Variants in PTPRG observed in about 807,000 individuals in gnomAD.
The protein encoded by PTPRG is protein tyrosine phosphatase receptor type G.
A neutral mutation model predicts 165.3 loss-of-function variants in PTPRG; 102 were observed. The ratio of observed to expected loss-of-function variants is 0.62; its 90% CI spans 0.53 to 0.73. The LOEUF is 0.73. Ranked by LOEUF, PTPRG falls within the 30% of genes least tolerant of loss-of-function variation. PTPRG has a pLI of 0.00. For synonymous variants in PTPRG, 675 were observed against 669.5 expected, an observed-to-expected ratio of 1.01 and a Z score of -0.13; for missense variants, 1,866 against 1,861.4, an observed-to-expected ratio of 1.00 and a Z score of -0.05.
intron 4 of PTPRG, among the ~76,000 whole-genome samples, chr3:62,032,555 G>T (rs1436505105): frequency 2.0e-5 from 3 of 151,794 alleles, no homozygotes; most frequent in Non-Finnish European, 2.9e-5. Flanking sequence ...TTTTAGAAAA[G>T]TATTGAAGGA....
At chr3:61,594,280 A>G (rs969892614) in intron 1 of PTPRG, among the ~76,000 whole-genome samples, 2 of 152,018 alleles carry the variant, frequency 1.3e-5, no homozygotes, top group Non-Finnish European at 2.9e-5. Flanking sequence ...CGGGTGGATT[A>G]CAATGCAGAG....
chr3:62,059,048 C>G (rs1422031485), intron 4 of PTPRG, among the ~76,000 whole-genome samples: 1 of 152,214 alleles, frequency 6.6e-6, no homozygotes, highest in Non-Finnish European at 1.5e-5. Context: ...CCGGTCTGCT[C>G]TGAAGGGGCA....
chr3:62,115,133 C>G (rs551288013), intron 5 of PTPRG, among the ~76,000 whole-genome samples: 2 of 152,302 alleles, frequency 1.3e-5, no homozygotes, highest in South Asian at 4.1e-4. Flanking sequence ...ACATGTTTCT[C>G]ATCTCTTATC....
chr3:61,768,765 G>A (rs774731072), intron 2 of PTPRG, among the ~76,000 whole-genome samples: 25 of 152,024 alleles, frequency 1.6e-4, no homozygotes, highest in Admixed American at 6.6e-4. Flanking sequence ...AAATAGTTGT[G>A]TGGGGGAGGG....
chr3:61,986,618 T>G (rs2107687790), intron 2 of PTPRG, among the ~76,000 whole-genome samples: 1 of 152,336 alleles, frequency 6.6e-6, no homozygotes, highest in South Asian at 2.1e-4. Context: ...AGGAAATTAC[T>G]TTTGGCAGCC....
At chr3:61,980,923 A>T (rs1482988759) in intron 2 of PTPRG, among the ~76,000 whole-genome samples, 1 of 152,170 alleles carries the variant, frequency 6.6e-6, no homozygotes, top group African/African-American at 2.4e-5. Context: ...GCTCTGAACA[A>T]AATTTTGGGC....
chr3:61,953,051 T>G (rs2107627711), intron 2 of PTPRG, among the ~76,000 whole-genome samples: 1 of 152,320 alleles, frequency 6.6e-6, no homozygotes, highest in Middle Eastern at 3.4e-3. Flanking sequence ...CAGCAATGAC[T>G]TTTCTTAATT....
chr3:61,930,881 T>G (rs1476730994), intron 2 of PTPRG, among the ~76,000 whole-genome samples: 5 of 152,038 alleles, frequency 3.3e-5, no homozygotes, highest in African/African-American at 1.2e-4. Context: ...GCCAATATGG[T>G]GAAACCCCAT....
intron 2 of PTPRG, among the ~76,000 whole-genome samples, chr3:61,887,293 C>T (rs1465012797): frequency 6.6e-6 from 1 of 151,400 alleles, no homozygotes; most frequent in Non-Finnish European, 1.5e-5. Flanking sequence ...ATTTCTAAGC[C>T]CCTGGCAATC....
chr3:62,048,862 A>G (rs1456383256), intron 4 of PTPRG, among the ~76,000 whole-genome samples: 1 of 152,212 alleles, frequency 6.6e-6, no homozygotes, highest in Non-Finnish European at 1.5e-5. Context: ...GTATAATTCA[A>G]AAATTGGTCC....
At chr3:61,571,651 A>G (rs935650536) in intron 1 of PTPRG, among the ~76,000 whole-genome samples, 7 of 151,348 alleles carry the variant, frequency 4.6e-5, no homozygotes, top group Admixed American at 2.6e-4. Flanking sequence ...TTTTGACACT[A>G]CTCCTCTTCC....
intron 2 of PTPRG, among the ~76,000 whole-genome samples, chr3:61,764,051 C>T (rs776057152): frequency 3.3e-5 from 5 of 152,014 alleles, no homozygotes; most frequent in Non-Finnish European, 7.4e-5. Context: ...CAGTGGTGTT[C>T]AGAGGATATA....
intron 2 of PTPRG, among the ~76,000 whole-genome samples, chr3:61,914,569 A>G (rs1312316373): frequency 1.3e-5 from 2 of 152,150 alleles, no homozygotes; most frequent in Non-Finnish European, 2.9e-5. Context: ...TTCTTCGTAA[A>G]TTAGTTAGAA....
intron 2 of PTPRG, among the ~76,000 whole-genome samples, chr3:61,909,565 C>T (rs983212110): frequency 3.9e-5 from 6 of 152,192 alleles, no homozygotes; most frequent in East Asian, 1.9e-4. Context: ...TTCCTAGGCT[C>T]GTCTTGAGCT....
rs558441295 is a variant in PTPRG, at chr3:62,091,325, A to C, written c.615+13067A>C. Among the ~76,000 whole-genome samples the C allele has an allele frequency of 3.9e-5, 6 of 152,354 alleles. No individual in the cohort carries two copies. In the East Asian group the frequency reaches 1.2e-3, roughly 29 times the overall value. On this transcript the variant is annotated intron_variant, in intron 5 of 29. Transcript: ENST00000474889. ...AATTCAGGAGGAGGTAACCAAATTC[A>C]AATTTCCTCAAGGAGCATCTGCATG...
intron 5 of PTPRG, among the ~76,000 whole-genome samples, chr3:62,132,288 G>A (rs79218378): frequency 0.048 from 7,245 of 152,188 alleles, 314 homozygotes; most frequent in African/African-American, 0.11. Flanking sequence ...CTTTTTAGCC[G>A]ATTGGGCCTA....
intron 1 of PTPRG, among the ~76,000 whole-genome samples, chr3:61,708,124 C>G (rs560543818): frequency 2.6e-5 from 4 of 151,810 alleles, no homozygotes; most frequent in Non-Finnish European, 5.9e-5. Flanking sequence ...TTTGCCTCCC[C>G]GGAACGCTGT....
chr3:62,195,989 C>T lies in PTPRG; in HGVS notation c.1327+819C>T, dbSNP rs1445208099. On this transcript the variant is annotated intron_variant, in intron 10 of 29. Transcript: ENST00000474889. This position sits in a 1 kb window ranked among gnomAD's most constrained non-coding sequence, Gnocchi z 4.4. ...TTTTTACTAGAGACGGGGGTTTCAC[C>T]ATGTTGGCCAGGCTGGTCTTGAACT... 6.6e-6 allele frequency among the ~76,000 whole-genome samples: 1 copy of T among 151,252 alleles called. No homozygotes were observed. Among genetic ancestry groups the T allele is most frequent in the African/African-American group, 2.4e-5 (1 of 41,248 alleles).
intron 2 of PTPRG, among the ~76,000 whole-genome samples, chr3:61,821,909 A>G (rs952139460): frequency 6.6e-6 from 1 of 152,214 alleles, no homozygotes; most frequent in African/African-American, 2.4e-5. Flanking sequence ...AATATTATGT[A>G]ATGTGCACTG....
Sources: gnomAD v4.1 joint callset for allele counts (sites outside exome capture counted in the v4.1 genomes callset) on GRCh38, gnomAD v4.1.1 for gene constraint, Gnocchi (gnomAD v3.1) non-coding constraint, MANE v1.5 for transcripts, NCBI Gene and HGNC (gene_info 2026-07-23, HGNC 2026-07-21) for gene names.